Variants in ACER3 observed in about 807,000 individuals in gnomAD.
The protein encoded by ACER3 is alkCDase 3.
Under a neutral mutation model 48.9 loss-of-function variants are expected in ACER3, and 16 were observed. That is an observed-to-expected ratio of 0.33 (90% CI 0.22 to 0.50). The LOEUF is 0.50. Among genes scored for constraint, ACER3 ranks in the 20% least tolerant of loss-of-function variants. The pLI is 0.98. For synonymous variants in ACER3, 109 were observed against 107.8 expected (o/e 1.01, Z -0.07); for missense variants, 227 against 326.0 (o/e 0.70, Z 2.34).
intron 1 of ACER3, among the ~76,000 whole-genome samples, chr11:76,875,772 G>C (rs1386438392): frequency 1.0e-5 from 1 of 97,210 alleles, no homozygotes; most frequent in Non-Finnish European, 1.8e-5. Context: ...GTCTCACTGT[G>C]TTGCCGAGGC....
chr11:76,977,019 A>G (rs1489503697), intron 4 of ACER3, among the ~76,000 whole-genome samples: 1 of 152,214 alleles, frequency 6.6e-6, no homozygotes, highest in Non-Finnish European at 1.5e-5. Flanking sequence ...AAATGCTAAT[A>G]TGTAACTGCT....
intron 2 of ACER3, among the ~76,000 whole-genome samples, chr11:76,948,111 CAA>C (rs1342465786): frequency 6.6e-6 from 1 of 151,932 alleles, no homozygotes; most frequent in Admixed American, 6.6e-5. Flanking sequence ...AATTGAATAA[CAA>C]ATTATTTTCT....
rs56017014 is a variant in ACER3, at chr11:76,943,913, C to CT, written c.215-15053dup. ...TTATCATTATATAATGACCTTTGTC[C>CT]TTTTTTTTTTTTTACTGTTTTTGAT... is the stretch of plus-strand genomic sequence containing the variant. On this transcript the variant is annotated intron_variant, in intron 2 of 10. Coordinates refer to ENST00000532485, the MANE Select transcript of ACER3 (RefSeq NM_018367.7). 1.2e-3 allele frequency among the ~76,000 whole-genome samples: 183 copies of CT among 147,346 alleles called. 1 individual carries two copies. Among genetic ancestry groups the CT allele is most frequent in the South Asian group, 0.012 (54 of 4,668 alleles).
intron 2 of ACER3, among the ~76,000 whole-genome samples, chr11:76,950,637 A>AT (rs970529600): frequency 6.6e-5 from 10 of 150,808 alleles, no homozygotes; most frequent in African/African-American, 2.2e-4. Context: ...AATTTTTTAC[A>AT]TTTTTTGTAG....
chr11:76,974,108 C>G (rs1483218028), intron 3 of ACER3, among the ~76,000 whole-genome samples: 3 of 152,138 alleles, frequency 2.0e-5, no homozygotes, highest in Non-Finnish European at 2.9e-5. Flanking sequence ...TACCACATAG[C>G]CTTAATTACT....
intron 7 of ACER3, among the ~76,000 whole-genome samples, chr11:77,013,381 A>T (rs2135318686): frequency 6.6e-6 from 1 of 152,328 alleles, no homozygotes; most frequent in African/African-American, 2.4e-5. Flanking sequence ...ACCTACATGT[A>T]AAATATAGAA....
intron 5 of ACER3, among the ~76,000 whole-genome samples, chr11:76,985,990 T>A (rs1948678541): frequency 6.6e-6 from 1 of 152,218 alleles, no homozygotes; most frequent in Admixed American, 6.5e-5. Flanking sequence ...TTGGGAAAAA[T>A]TAATTTTTCT....
At chr11:76,917,114 A>T (rs900041577) in intron 1 of ACER3, among the ~76,000 whole-genome samples, 2 of 152,094 alleles carry the variant, frequency 1.3e-5, no homozygotes, top group African/African-American at 4.8e-5. Context: ...CTGGGTCCCA[A>T]TGATCATTAC....
intron 1 of ACER3, among the ~76,000 whole-genome samples, chr11:76,862,756 T>G (rs1275764197): frequency 6.6e-6 from 1 of 152,174 alleles, no homozygotes; most frequent in Non-Finnish European, 1.5e-5. Flanking sequence ...ACCAATGATA[T>G]GGGAAAGGTT....
chr11:77,006,623 A>G (rs544737444), intron 7 of ACER3, among the ~76,000 whole-genome samples: 30 of 152,024 alleles, frequency 2.0e-4, no homozygotes, highest in African/African-American at 6.3e-4. Flanking sequence ...TAGGTTGACA[A>G]TTATTTTTTT....
intron 1 of ACER3, among the ~76,000 whole-genome samples, chr11:76,888,807 T>C (rs1275229295): frequency 2.6e-5 from 4 of 152,182 alleles, no homozygotes; most frequent in African/African-American, 9.7e-5. Flanking sequence ...CACCTTGCCT[T>C]ATTCTCTTGG....
chr11:76,909,047 G>A lies in ACER3; in HGVS notation c.104-17510G>A, dbSNP rs559794594. 4.7e-4 allele frequency among the ~76,000 whole-genome samples: 71 copies of A among 152,294 alleles called. 3 individuals carry two copies. The highest frequency in any genetic ancestry group is 3.8e-3 in the Admixed American group (58 of 15,300). On this transcript the variant is annotated intron_variant, in intron 1 of 10. Transcript: ENST00000532485. ...AAGGATTCCCCATTTAATAAATGGT[G>A]TTAGGAAAACTGGCTAGCCATATGC... is the stretch of plus-strand genomic sequence containing the variant.
intron 1 of ACER3, among the ~76,000 whole-genome samples, chr11:76,915,431 C>T (rs992905965): frequency 2.6e-5 from 4 of 151,838 alleles, no homozygotes; most frequent in African/African-American, 9.7e-5. Context: ...TCTGGTGGAG[C>T]GTACCCACCC....
At chr11:76,943,870 C>G (rs1947407695) in intron 2 of ACER3, among the ~76,000 whole-genome samples, 1 of 149,164 alleles carries the variant, frequency 6.7e-6, no homozygotes, top group African/African-American at 2.5e-5. Context: ...GTCATATTCT[C>G]TTGCAGAATT....
rs11407818 is a variant in ACER3, at chr11:76,999,379, G to GTT, written c.497+567_497+568dup. ...AATAAGTAGTATGATTTGTGGGTTT[G>GTT]TTTTTTTTTTCTTTTTTATTAAACT... is the stretch of plus-strand genomic sequence containing the variant. On this transcript the variant is annotated intron_variant, in intron 7 of 10. Coordinates refer to ENST00000532485, the MANE Select transcript of ACER3 (RefSeq NM_018367.7). 8.8e-3 allele frequency among the ~76,000 whole-genome samples: 1,303 copies of GTT among 148,688 alleles called. 11 individuals carry two copies. The highest frequency in any genetic ancestry group is 0.014 in the Middle Eastern group (4 of 292).
chr11:77,006,992 G>A (rs184447797), intron 7 of ACER3, among the ~76,000 whole-genome samples: 1 of 151,934 alleles, frequency 6.6e-6, no homozygotes, highest in Non-Finnish European at 1.5e-5. Flanking sequence ...TATACCTGTA[G>A]TCCCAGCTGC....
chr11:76,940,861 C>T (rs1947319604), intron 2 of ACER3, among the ~76,000 whole-genome samples: 1 of 151,962 alleles, frequency 6.6e-6, no homozygotes, highest in African/African-American at 2.4e-5. Context: ...AAACTAAACA[C>T]ATGGGAATGT....
intron 5 of ACER3, among the ~76,000 whole-genome samples, chr11:76,987,443 A>G (rs1406719371): frequency 1.3e-5 from 2 of 152,178 alleles, no homozygotes; most frequent in Admixed American, 6.5e-5. Flanking sequence ...TGCAGGATAG[A>G]TAATGAGTAG....
chr11:76,987,752 C>T (rs1482726197), intron 5 of ACER3, among the ~76,000 whole-genome samples: 19 of 152,152 alleles, frequency 1.2e-4, no homozygotes, highest in Admixed American at 1.2e-3. Flanking sequence ...AGCTGGGCAA[C>T]ATAGTGAGAC....
Sources: allele counts gnomAD v4.1 joint callset (sites outside exome capture counted in the v4.1 genomes callset), GRCh38; gene constraint gnomAD v4.1.1; transcripts MANE v1.5; gene names NCBI Gene and HGNC (gene_info 2026-07-23, HGNC 2026-07-21).